Variants in RTL4 observed in about 807,000 individuals in gnomAD.
The protein encoded by RTL4 is retrotransposon Gag like 4.
Under a neutral mutation model 5.3 loss-of-function variants are expected in RTL4, and 4 were observed. That is an observed-to-expected ratio of 0.75 (90% CI 0.37 to 1.72). The LOEUF (loss-of-function observed/expected upper bound fraction) is 1.72, where lower values mean the gene tolerates loss of function less well. Among genes scored for constraint, RTL4 ranks in the 40% most tolerant of loss-of-function variants. RTL4 has a pLI of 0.04. For missense variants in RTL4, 260 were observed against 227.1 expected, an observed-to-expected ratio of 1.14 and a Z score of -0.93; for synonymous variants, 98 against 87.3, an observed-to-expected ratio of 1.12 and a Z score of -0.68.
the RTL4 span, among the ~76,000 whole-genome samples, chrX:112,087,079 T>C: frequency 9.0e-6 from 1 of 111,474 alleles, no homozygotes; most frequent in Non-Finnish European, 1.9e-5. Flanking sequence ...TGCAGAATCA[T>C]AGGACATTGC....
chrX:112,181,134 C>T, the RTL4 span, among the ~76,000 whole-genome samples: 847 of 111,916 alleles, frequency 7.6e-3, 4 homozygotes, highest in South Asian at 0.016. Flanking sequence ...CTGTGAGGAA[C>T]GGTGCCTTCC....
At chrX:112,247,170 G>A in the RTL4 span, among the ~76,000 whole-genome samples, 1 of 111,541 alleles carries the variant, frequency 9.0e-6, no homozygotes, top group Non-Finnish European at 1.9e-5. Flanking sequence ...AAAACAAAAT[G>A]GCAGACTTAA....
chrX:112,406,609 A>G, the RTL4 span, among the ~76,000 whole-genome samples: 4 of 111,051 alleles, frequency 3.6e-5, no homozygotes, highest in Non-Finnish European at 7.6e-5. Flanking sequence ...GTGGGAAAAC[A>G]TCTAAACTAT....
the RTL4 span, among the ~76,000 whole-genome samples, chrX:112,335,661 C>T: frequency 9.1e-6 from 1 of 109,677 alleles, no homozygotes; most frequent in East Asian, 2.8e-4. Flanking sequence ...TCCTTTTTAA[C>T]CCAAGGCTTA....
At chrX:112,113,903 C>T in the RTL4 span, among the ~76,000 whole-genome samples, 1 of 111,527 alleles carries the variant, frequency 9.0e-6, no homozygotes, top group African/African-American at 3.3e-5. Context: ...TCTCTGATCT[C>T]GCTTTTCCTT....
At chrX:112,161,844 C>CCTTCCTTTCTTTCTTTCTTTCTTTCTTT in the RTL4 span, among the ~76,000 whole-genome samples, 17 of 40,061 alleles carry the variant, frequency 4.2e-4, no homozygotes, top group African/African-American at 1.8e-3. Flanking sequence ...TTCCTTCCTT[C>CCTTCCTTTCTTTCTTTCTTTCTTTCTTT]CTTTCTTTCT....
At chrX:112,250,203 C>A in the RTL4 span, among the ~76,000 whole-genome samples, 26 of 108,768 alleles carry the variant, frequency 2.4e-4, no homozygotes, top group Middle Eastern at 9.3e-3. Flanking sequence ...GGCGTGAACC[C>A]GGGAGGCGGA....
chrX:112,321,325 C>G, the RTL4 span, among the ~76,000 whole-genome samples: 3 of 110,844 alleles, frequency 2.7e-5, no homozygotes, highest in Non-Finnish European at 5.7e-5. Flanking sequence ...ATCACGAGGT[C>G]AAGCGATCGA....
At chrX:112,454,837 A>G in exon 1 of RTL4, 1 of 1,211,096 alleles carries the variant, frequency 8.3e-7, no homozygotes, top group Non-Finnish European at 1.1e-6. Flanking sequence ...CACGGAGAAC[A>G]CTGCTAAAAG....
the RTL4 span, among the ~76,000 whole-genome samples, chrX:112,256,479 T>A: frequency 8.9e-6 from 1 of 112,329 alleles, no homozygotes; most frequent in Non-Finnish European, 1.9e-5. Flanking sequence ...TCTGTTTGTT[T>A]TTCAGCACCT....
chrX:112,323,933 C>T, the RTL4 span, among the ~76,000 whole-genome samples: 3 of 111,894 alleles, frequency 2.7e-5, no homozygotes, highest in South Asian at 3.7e-4. Context: ...TTTTATAAAG[C>T]TATAATTAAC....
the RTL4 span, among the ~76,000 whole-genome samples, chrX:112,308,806 G>A: frequency 8.1e-5 from 9 of 111,269 alleles, no homozygotes; most frequent in Admixed American, 5.8e-4. Flanking sequence ...AGCCAGTATG[G>A]TTGAAACCCC....
the RTL4 span, among the ~76,000 whole-genome samples, chrX:112,193,924 A>C: frequency 4.4e-4 from 49 of 112,160 alleles, no homozygotes; most frequent in African/African-American, 1.6e-3. Flanking sequence ...ACAAATTTTC[A>C]TTCTGGTTTA....
At chrX:112,281,599 T>C in the RTL4 span, among the ~76,000 whole-genome samples, 8 of 111,393 alleles carry the variant, frequency 7.2e-5, no homozygotes, top group African/African-American at 2.6e-4. Flanking sequence ...TAATTTACAT[T>C]CCCACCAACA....
the RTL4 span, among the ~76,000 whole-genome samples, chrX:112,420,784 C>T: frequency 8.9e-6 from 1 of 111,956 alleles, no homozygotes; most frequent in African/African-American, 3.2e-5. Flanking sequence ...TTTCCCGTTA[C>T]TGAATAGCCA....
chrX:112,224,756 C>T, the RTL4 span, among the ~76,000 whole-genome samples: 4 of 111,548 alleles, frequency 3.6e-5, no homozygotes, highest in African/African-American at 9.8e-5. Context: ...CATGAAACAA[C>T]TACAATGGTT....
At chrX:112,380,462 T>G in the RTL4 span, among the ~76,000 whole-genome samples, 1 of 112,218 alleles carries the variant, frequency 8.9e-6, no homozygotes, top group African/African-American at 3.2e-5. Flanking sequence ...CGGGATCAAT[T>G]TTTTTAAACC....
chrX:112,206,533 T>C, the RTL4 span, among the ~76,000 whole-genome samples: 1 of 111,585 alleles, frequency 9.0e-6, no homozygotes, highest in African/African-American at 3.3e-5. Flanking sequence ...GTTTTCCTCC[T>C]ATCTGACAGT....
At chrX:112,288,594 A>T in the RTL4 span, among the ~76,000 whole-genome samples, 1 of 112,294 alleles carries the variant, frequency 8.9e-6, no homozygotes, top group Admixed American at 9.4e-5. Flanking sequence ...GGTATGCTAG[A>T]TTATGCTGTA....
Sources: allele counts gnomAD v4.1 joint callset (sites outside exome capture counted in the v4.1 genomes callset), GRCh38; gene constraint gnomAD v4.1.1; transcripts MANE v1.5; gene names NCBI Gene and HGNC (gene_info 2026-07-23, HGNC 2026-07-21).